The following WLS variants were observed in gnomAD, a reference collection of about 807,000 sequenced individuals.
WLS encodes the protein Wnt ligand secretion mediator, also known as protein wntless homolog.
A neutral mutation model predicts 62.8 loss-of-function variants in WLS; 23 were observed. The observed-to-expected ratio is 0.37, with a 90% CI of 0.26 to 0.52. The LOEUF (loss-of-function observed/expected upper bound fraction) is 0.52, where lower values mean the gene tolerates loss of function less well. Among genes scored for constraint, WLS ranks in the 20% least tolerant of loss-of-function variants. WLS has a pLI of 0.92. For missense variants in WLS, 615 were observed against 697.3 expected (o/e 0.88, Z 1.33); for synonymous variants, 246 against 244.1 (o/e 1.01, Z -0.07).
At position 68,148,042 on chromosome 1, in the gene WLS, A is replaced by C. The variant is rs141652787; in HGVS notation, c.1134+94T>G. On this transcript the variant is annotated intron_variant, in intron 8 of 11. Transcript: ENST00000262348. The stretch of plus-strand genomic sequence containing the variant: ...GAGAATCAAAGCCCTGGCTGAGTAC[A>C]TATGGGGAGCATCAGCAGAGCCTTA... The C allele has an allele frequency of 6.2e-4, 806 of 1,307,050 alleles. 4 individuals are homozygous for C. In the African/African-American group the frequency reaches 0.011, roughly 17 times the overall value. 81.0% of individuals were successfully genotyped at this position (1,307,050 alleles called of 1,614,324 possible).
intron 2 of WLS, among the ~76,000 whole-genome samples, chr1:68,189,974 A>G (rs1308830653): frequency 2.6e-5 from 4 of 152,198 alleles, no homozygotes; most frequent in African/African-American, 9.7e-5. Context: ...ATGCCACCGT[A>G]CTCCAGCCTG....
chr1:68,116,276 G>T (rs1409269412), intron 11 of WLS, among the ~76,000 whole-genome samples: 1 of 152,294 alleles, frequency 6.6e-6, no homozygotes, highest in South Asian at 2.1e-4. Context: ...AGCAGGGCCC[G>T]TGTAAGCATA....
intron 1 of WLS, among the ~76,000 whole-genome samples, chr1:68,197,120 C>T (rs1378144779): frequency 6.6e-6 from 1 of 152,082 alleles, no homozygotes; most frequent in Non-Finnish European, 1.5e-5. Flanking sequence ...ACAAGTCTCT[C>T]ACTTCTCAGG....
At chr1:68,158,569 C>T (rs763022363) in intron 3 of WLS, among the ~76,000 whole-genome samples, 19 of 150,842 alleles carry the variant, frequency 1.3e-4, no homozygotes, top group African/African-American at 2.0e-4. Flanking sequence ...ACATAAAATA[C>T]ACTAATAATA....
downstream of WLS, among the ~76,000 whole-genome samples, chr1:68,124,699 G>A (rs1163302429): frequency 1.3e-5 from 2 of 152,200 alleles, no homozygotes; most frequent in Admixed American, 6.5e-5. Context: ...AAGGCCTAGA[G>A]AGAATAGCCA....
At chr1:68,193,633 G>A (rs572909857) in intron 2 of WLS, among the ~76,000 whole-genome samples, 16 of 152,146 alleles carry the variant, frequency 1.1e-4, no homozygotes, top group South Asian at 2.1e-4. Flanking sequence ...ACACTAGAGA[G>A]GTGGTGAAGC....
Position 68,223,457 on chromosome 1 carries a change from G to A in WLS, c.106+8737C>T, listed in dbSNP as rs1234497875. Among the ~76,000 whole-genome samples the A allele has an allele frequency of 3.3e-5, 5 of 152,212 alleles. No individual in the cohort carries two copies. The East Asian group carries it at 9.6e-4, about 29-fold the overall frequency. The stretch of plus-strand genomic sequence containing the variant: ...TACAAATCTGTAGGTGTTGGGCAAA[G>A]TGGTGGTGACTCAAAGAAGGAAAAG... On this transcript the variant is annotated intron_variant, in intron 1 of 11. Transcript: ENST00000262348.
At chr1:68,112,275 A>G (rs182021864) in intron 11 of WLS, among the ~76,000 whole-genome samples, 7 of 152,314 alleles carry the variant, frequency 4.6e-5, no homozygotes, top group African/African-American at 7.2e-5. Flanking sequence ...GCTGTACAAC[A>G]GTACCTACTG....
intron 2 of WLS, among the ~76,000 whole-genome samples, chr1:68,170,160 CTT>C (rs571306573): frequency 3.1e-4 from 27 of 86,776 alleles, no homozygotes; most frequent in Middle Eastern, 8.9e-3. Context: ...GCTACTATTT[CTT>C]TTTTTTTTTT....
At chr1:68,170,875 A>G (rs549862302) in intron 2 of WLS, among the ~76,000 whole-genome samples, 5 of 152,274 alleles carry the variant, frequency 3.3e-5, no homozygotes, top group Admixed American at 2.6e-4. Context: ...TCTTGTTCAC[A>G]GTTATATCAC....
At chr1:68,139,811 A>G (rs1208993809) in intron 10 of WLS, among the ~76,000 whole-genome samples, 1 of 152,186 alleles carries the variant, frequency 6.6e-6, no homozygotes, top group African/African-American at 2.4e-5. Context: ...GGACAAATAC[A>G]TGGAGGTAGA....
chr1:68,232,202 C>T lies in WLS; in HGVS notation c.98G>A (p.Gly33Asp). 1 of 1,614,106 alleles carries T rather than the reference C, an allele frequency of 6.2e-7. No homozygotes were observed. The highest frequency in any genetic ancestry group is 8.5e-7 in the Non-Finnish European group (1 of 1,180,002). ...CAGCTCTCCGCACTTACCAATCAAG[C>T]CTCCCACCAGAAAGGCGATGATTTG... ...VFQIIAFLVGGLIAPGPTTAV... is the reference protein window; with the variant it reads ...VFQIIAFLVGDLIAPGPTTAV... Residue 33 changes from glycine to aspartate, a missense_variant, in exon 1 of 12, where the codon GGC becomes GAC. Gly to Asp is a moderately conservative substitution (Grantham distance 94). Transcript: ENST00000262348.
chr1:68,191,448 T>G (rs147450216), intron 2 of WLS, among the ~76,000 whole-genome samples: 2 of 152,314 alleles, frequency 1.3e-5, no homozygotes, highest in African/African-American at 4.8e-5. Flanking sequence ...TTGAATCTCA[T>G]AGCAAACTCT....
At chr1:68,156,435 C>T (rs1012002994) in intron 3 of WLS, among the ~76,000 whole-genome samples, 1 of 152,148 alleles carries the variant, frequency 6.6e-6, no homozygotes. Flanking sequence ...TAGGAAGGGG[C>T]TCTGCCCCTT....
rs372838278 is a variant in WLS at position 68,196,256 on chromosome 1, C to T, written c.107-2029G>A. On this transcript the variant is annotated intron_variant, in intron 1 of 11. Coordinates refer to ENST00000262348, the MANE Select transcript of WLS (RefSeq NM_024911.7). ...ACAGTACTTGTTTCTCCATTGTCTA[C>T]AATCTGTTTTTAAATTTCTTGGAAA... Among the ~76,000 whole-genome samples, 5 of 151,974 alleles carry T rather than the reference C, an allele frequency of 3.3e-5. No homozygotes were observed. In the East Asian group the frequency reaches 9.7e-4, roughly 29 times the overall value.
intron 1 of WLS, among the ~76,000 whole-genome samples, chr1:68,217,977 G>T (rs1173335894): frequency 6.6e-6 from 1 of 152,208 alleles, no homozygotes; most frequent in African/African-American, 2.4e-5. Flanking sequence ...AGCAGATTTT[G>T]AAAATGAATT....
At chr1:68,188,350 G>A (rs1278330502) in intron 2 of WLS, among the ~76,000 whole-genome samples, 1 of 152,180 alleles carries the variant, frequency 6.6e-6, no homozygotes, top group African/African-American at 2.4e-5. Flanking sequence ...TTTAGTGGCA[G>A]AAGAATGATA....
chr1:68,192,210 CTATT>C (rs1453338387), intron 2 of WLS, among the ~76,000 whole-genome samples: 3 of 152,152 alleles, frequency 2.0e-5, no homozygotes, highest in Non-Finnish European at 4.4e-5. Context: ...TCAGCACAAT[CTATT>C]TATTTCAGGT....
intron 1 of WLS, among the ~76,000 whole-genome samples, chr1:68,209,745 C>T (rs377140979): frequency 2.4e-4 from 36 of 151,560 alleles, no homozygotes; most frequent in African/African-American, 7.8e-4. Context: ...TGCACAATTG[C>T]GCTCCAGCCT....
Sources: gnomAD v4.1 joint callset for allele counts (sites outside exome capture counted in the v4.1 genomes callset) on GRCh38, gnomAD v4.1.1 for gene constraint, MANE v1.5 for transcripts, NCBI Gene and HGNC (gene_info 2026-07-23, HGNC 2026-07-21) for gene names.